The following FBXL17 variants were observed in gnomAD, a reference collection of about 807,000 sequenced individuals.
FBXL17 encodes F-box/LRR-repeat protein 17.
A neutral mutation model predicts 66.2 loss-of-function variants in FBXL17; 22 were observed. That is an observed-to-expected ratio of 0.33 (90% CI 0.24 to 0.47). FBXL17 has a LOEUF of 0.47. Ranked by LOEUF, FBXL17 falls within the 20% of genes least tolerant of loss-of-function variation. FBXL17 has a pLI of 1.00. For missense variants in FBXL17, 878 were observed against 948.2 expected, an observed-to-expected ratio of 0.93 and a Z score of 0.97; for synonymous variants, 474 against 400.5, an observed-to-expected ratio of 1.18 and a Z score of -2.19.
At chr5:108,369,615 T>C (rs910516176) in intron 1 of FBXL17, among the ~76,000 whole-genome samples, 5 of 151,246 alleles carry the variant, frequency 3.3e-5, no homozygotes, top group African/African-American at 7.3e-5. Flanking sequence ...ATATATAATA[T>C]AAAAATAAAA....
chr5:107,880,581 G>A, intron 8 of FBXL17: 2 of 1,037,056 alleles, frequency 1.9e-6, no homozygotes, highest in Non-Finnish European at 2.3e-6. Context: ...GGTCCCGAAT[G>A]GCCAGAATAC....
intron 4 of FBXL17, among the ~76,000 whole-genome samples, chr5:108,324,585 G>A (rs76513601): frequency 0.12 from 18,348 of 151,816 alleles, 1,332 homozygotes; most frequent in Admixed American, 0.16. Context: ...TTTACTTCTG[G>A]ATATATACCC....
chr5:107,916,134 T>A (rs568438047), intron 7 of FBXL17, among the ~76,000 whole-genome samples: 5 of 152,310 alleles, frequency 3.3e-5, no homozygotes, highest in Non-Finnish European at 5.9e-5. Context: ...CATGGTGCAG[T>A]AAACATAAAG....
At chr5:108,178,489 C>T (rs1309309920) in intron 6 of FBXL17, among the ~76,000 whole-genome samples, 4 of 152,174 alleles carry the variant, frequency 2.6e-5, no homozygotes, top group Non-Finnish European at 4.4e-5. Context: ...CTCAAACTAA[C>T]GTCACTAGTT....
intron 6 of FBXL17, among the ~76,000 whole-genome samples, chr5:108,077,440 G>C (rs1332923737): frequency 6.6e-6 from 1 of 152,128 alleles, no homozygotes; most frequent in African/African-American, 2.4e-5. Flanking sequence ...AAGGCAAGAG[G>C]ATCACTTGAG....
intron 6 of FBXL17, among the ~76,000 whole-genome samples, chr5:108,149,733 G>GA (rs1312176300): frequency 1.3e-5 from 2 of 152,002 alleles, no homozygotes; most frequent in Non-Finnish European, 2.9e-5. Flanking sequence ...ACTGTGAACG[G>GA]AAAAAAATAG....
chr5:108,122,638 A>G (rs147187150), intron 6 of FBXL17, among the ~76,000 whole-genome samples: 3 of 152,320 alleles, frequency 2.0e-5, no homozygotes, highest in Admixed American at 2.0e-4. Context: ...TGTAAAACGA[A>G]TGCCAATTGT....
At chr5:108,105,929 G>A (rs1749777934) in intron 6 of FBXL17, among the ~76,000 whole-genome samples, 1 of 152,154 alleles carries the variant, frequency 6.6e-6, no homozygotes. Context: ...AAAAGGAACA[G>A]GAGGAAGAAT....
At chr5:108,007,455 T>C (rs888628876) in intron 7 of FBXL17, among the ~76,000 whole-genome samples, 6 of 152,094 alleles carry the variant, frequency 3.9e-5, no homozygotes, top group Non-Finnish European at 7.4e-5. Flanking sequence ...TAGATTTAGA[T>C]AGAAATGTAA....
At chr5:108,323,945 CG>C (rs1227030558) in intron 4 of FBXL17, among the ~76,000 whole-genome samples, 1 of 151,796 alleles carries the variant, frequency 6.6e-6, no homozygotes, top group Non-Finnish European at 1.5e-5. Context: ...TAAAAATGAA[CG>C]GAAGACCTAA....
intron 4 of FBXL17, among the ~76,000 whole-genome samples, chr5:108,280,057 A>T (rs1757642622): frequency 6.6e-6 from 1 of 152,120 alleles, no homozygotes; most frequent in African/African-American, 2.4e-5. Flanking sequence ...CTATTTAATG[A>T]AGTAATAATT....
chr5:107,975,207 CT>C (rs1449052955), intron 7 of FBXL17, among the ~76,000 whole-genome samples: 1 of 152,060 alleles, frequency 6.6e-6, no homozygotes. Flanking sequence ...CTCTTCCTTC[CT>C]TTTTTTCATA....
intron 7 of FBXL17, among the ~76,000 whole-genome samples, chr5:107,978,219 G>A (rs1157184033): frequency 6.6e-6 from 1 of 152,142 alleles, no homozygotes; most frequent in African/African-American, 2.4e-5. Context: ...AGCCACACAC[G>A]CTGGCTGCCT....
chr5:108,223,289 A>G (rs1448815772), intron 5 of FBXL17, among the ~76,000 whole-genome samples: 3 of 152,154 alleles, frequency 2.0e-5, no homozygotes. Context: ...GAGACCTGGG[A>G]TCTTACCTGG....
chr5:108,097,785 G>GAAAA (rs3040018), intron 6 of FBXL17, among the ~76,000 whole-genome samples: 6 of 143,642 alleles, frequency 4.2e-5, no homozygotes, highest in Non-Finnish European at 4.5e-5. Context: ...CGAGACTCCA[G>GAAAA]AAAAAAAAAA....
At chr5:107,992,139 T>C (rs900712744) in intron 7 of FBXL17, among the ~76,000 whole-genome samples, 29 of 151,872 alleles carry the variant, frequency 1.9e-4, no homozygotes, top group Admixed American at 1.6e-3. Flanking sequence ...TCTAAATCTA[T>C]ACAATTGGGG....
intron 7 of FBXL17, among the ~76,000 whole-genome samples, chr5:107,975,720 G>T (rs894376080): frequency 2.0e-5 from 3 of 151,920 alleles, no homozygotes; most frequent in Non-Finnish European, 4.4e-5. Flanking sequence ...TGAATTTACT[G>T]TTTTCTTCAA....
chr5:108,281,904 A>C, intron 4 of FBXL17, among the ~76,000 whole-genome samples: 1 of 151,894 alleles, frequency 6.6e-6, no homozygotes, highest in South Asian at 2.1e-4. Flanking sequence ...AAACTAGAAA[A>C]CCCAGAGGAA....
At chr5:108,007,921 C>T (rs944828106) in intron 7 of FBXL17, among the ~76,000 whole-genome samples, 2 of 152,242 alleles carry the variant, frequency 1.3e-5, no homozygotes, top group East Asian at 1.9e-4. Flanking sequence ...TGTTCCTCCA[C>T]CGAATGATGA....
Sources: allele counts gnomAD v4.1 joint callset (sites outside exome capture counted in the v4.1 genomes callset), GRCh38; gene constraint gnomAD v4.1.1; transcripts MANE v1.5; gene names NCBI Gene and HGNC (gene_info 2026-07-23, HGNC 2026-07-21).